The following CLIC4 variants were observed in gnomAD, a reference collection of about 807,000 sequenced individuals.
CLIC4 encodes the protein chloride intracellular channel protein 4.
In CLIC4, 13 loss-of-function variants were observed where a neutral mutation model predicts 24.6. The observed-to-expected ratio is 0.53, with a 90% CI of 0.34 to 0.84. The LOEUF (loss-of-function observed/expected upper bound fraction) is 0.84. Ranked by LOEUF, CLIC4 falls within the 40% of genes least tolerant of loss-of-function variation. The pLI is 0.01. For synonymous variants in CLIC4, 104 were observed against 111.3 expected (o/e 0.93, Z 0.41); for missense variants, 227 against 301.7 (o/e 0.75, Z 1.83).
At chr1:24,778,526 C>G (rs935622024) in intron 1 of CLIC4, among the ~76,000 whole-genome samples, 2 of 151,822 alleles carry the variant, frequency 1.3e-5, no homozygotes, top group African/African-American at 4.8e-5. Flanking sequence ...AGCTTTCGTC[C>G]TTTTTTTTCT....
intron 3 of CLIC4, among the ~76,000 whole-genome samples, chr1:24,818,983 A>G (rs1401827377): frequency 6.6e-6 from 1 of 151,844 alleles, no homozygotes; most frequent in Non-Finnish European, 1.5e-5. Context: ...TATTTGGGGG[A>G]GACTTGGAGT....
intron 4 of CLIC4, among the ~76,000 whole-genome samples, chr1:24,836,448 AGCTGG>A (rs1484844056): frequency 1.3e-5 from 2 of 151,434 alleles, no homozygotes; most frequent in Admixed American, 1.3e-4. Context: ...TTGATGGTAA[AGCTGG>A]GCCATAAAAC....
At position 24,797,862 on chromosome 1, in the gene CLIC4, G is replaced by A. The variant is rs569372584; in HGVS notation, c.182+11G>A. On this transcript the variant is annotated intron_variant, in intron 2 of 5. Transcript: ENST00000374379. Reference sequence around the variant, plus strand: ...TGTTGACCTGAAAAGGTAAGACATGGTCGCAGTTTGCAATCAACTTAAGCT... The same window carrying A: ...TGTTGACCTGAAAAGGTAAGACATGATCGCAGTTTGCAATCAACTTAAGCT... 7.6e-6 allele frequency: 12 copies of A among 1,577,388 alleles called. No individual in the cohort carries two copies. In the East Asian group the frequency reaches 1.3e-4, roughly 18 times the overall value.
intron 1 of CLIC4, among the ~76,000 whole-genome samples, chr1:24,790,356 G>C (rs1482918555): frequency 2.0e-5 from 3 of 152,220 alleles, no homozygotes; most frequent in African/African-American, 7.2e-5. Context: ...ACAGGTGTGA[G>C]CCACCATGCC....
intron 1 of CLIC4, among the ~76,000 whole-genome samples, chr1:24,752,734 T>TA (rs1341296881): frequency 6.6e-6 from 1 of 152,110 alleles, no homozygotes; most frequent in Non-Finnish European, 1.5e-5. Flanking sequence ...TTATTATTAT[T>TA]TTTTTTTGAG....
intron 1 of CLIC4, among the ~76,000 whole-genome samples, chr1:24,748,296 C>T (rs1351232004): frequency 6.6e-6 from 1 of 152,034 alleles, no homozygotes; most frequent in Non-Finnish European, 1.5e-5. Context: ...CTTCCTACCA[C>T]TAGTTGTAAG....
chr1:24,819,028 G>A (rs907916842), intron 3 of CLIC4, among the ~76,000 whole-genome samples: 18 of 152,076 alleles, frequency 1.2e-4, no homozygotes, highest in African/African-American at 4.3e-4. Flanking sequence ...GGGATGGTAG[G>A]CAGGAAGGCT....
At chr1:24,782,920 C>T (rs1639222000) in intron 1 of CLIC4, among the ~76,000 whole-genome samples, 1 of 152,098 alleles carries the variant, frequency 6.6e-6, no homozygotes, top group South Asian at 2.1e-4. Context: ...TTCAAGGCTG[C>T]AGTGAGCTAT....
chr1:24,749,752 G>C (rs1464438446), intron 1 of CLIC4, among the ~76,000 whole-genome samples: 2 of 151,964 alleles, frequency 1.3e-5, no homozygotes, highest in Admixed American at 1.3e-4. Flanking sequence ...GAGCGCAGGA[G>C]TTCTAGACCA....
chr1:24,807,141 G>A (rs1639558810), intron 2 of CLIC4, among the ~76,000 whole-genome samples: 2 of 151,774 alleles, frequency 1.3e-5, no homozygotes, highest in Admixed American at 1.3e-4. Flanking sequence ...TAAAAAAAAA[G>A]AAAATTGAAT....
chr1:24,804,824 G>T (rs1284986280), intron 2 of CLIC4, among the ~76,000 whole-genome samples: 1 of 152,040 alleles, frequency 6.6e-6, no homozygotes, highest in Non-Finnish European at 1.5e-5. Context: ...ATTTGGGCCA[G>T]GCAAAGTGGC....
At chr1:24,787,373 ATCT>A (rs970300737) in intron 1 of CLIC4, among the ~76,000 whole-genome samples, 2 of 151,906 alleles carry the variant, frequency 1.3e-5, no homozygotes, top group African/African-American at 4.8e-5. Flanking sequence ...CCAAATTAAA[ATCT>A]TCTTCAGCAT....
intron 2 of CLIC4, among the ~76,000 whole-genome samples, chr1:24,803,306 T>A (rs1392076815): frequency 6.6e-6 from 1 of 152,164 alleles, no homozygotes; most frequent in Non-Finnish European, 1.5e-5. Context: ...AAGTACTGAC[T>A]CCAGAACAAA....
In CLIC4 at chr1:24,839,855, C is replaced by T; in HGVS notation, c.416-5C>T. On this transcript the variant is annotated splice_polypyrimidine_tract_variant and splice_region_variant and intron_variant, in intron 4 of 5. Coordinates refer to ENST00000374379, the MANE Select transcript of CLIC4 (RefSeq NM_013943.3). ...GTATTCTCATCTCTTTTTTTCCCCC[C>T]CAAGCACTGGAGAGGGGTCTCCTGA... 2 of 1,603,438 alleles carry T rather than the reference C, an allele frequency of 1.2e-6. No homozygotes were observed. The highest frequency in any genetic ancestry group is 1.7e-6 in the Non-Finnish European group (2 of 1,176,640).
At chr1:24,813,976 T>C in intron 2 of CLIC4, 118 bp from the exon 3 acceptor site, 1 of 1,176,820 alleles carries the variant, frequency 8.5e-7, no homozygotes, top group Non-Finnish European at 1.3e-6. Flanking sequence ...CTCAGCCTCC[T>C]GTAGTGCTAC....
intron 1 of CLIC4, among the ~76,000 whole-genome samples, chr1:24,756,291 G>A (rs1391476691): frequency 2.0e-5 from 3 of 152,208 alleles, no homozygotes; most frequent in South Asian, 2.1e-4. Flanking sequence ...GAGCCACCGC[G>A]CCCTGCTAAC....
At chr1:24,755,677 T>C (rs1331811191) in intron 1 of CLIC4, among the ~76,000 whole-genome samples, 1 of 151,430 alleles carries the variant, frequency 6.6e-6, no homozygotes, top group African/African-American at 2.4e-5. Flanking sequence ...TTCCTTTATT[T>C]AAAATAAAAC....
intron 1 of CLIC4, among the ~76,000 whole-genome samples, chr1:24,750,097 T>G (rs1638754956): frequency 6.6e-6 from 1 of 151,628 alleles, no homozygotes; most frequent in Non-Finnish European, 1.5e-5. Context: ...AGTAAGTAAC[T>G]AAGCTGGGCC....
intron 1 of CLIC4, among the ~76,000 whole-genome samples, chr1:24,753,731 C>T (rs78306332): frequency 6.6e-6 from 1 of 152,108 alleles, no homozygotes; most frequent in Non-Finnish European, 1.5e-5. Flanking sequence ...TTCATTCTCC[C>T]CACACTTTCC....
Sources: gnomAD v4.1 joint callset for allele counts (sites outside exome capture counted in the v4.1 genomes callset) on GRCh38, gnomAD v4.1.1 for gene constraint, MANE v1.5 for transcripts, NCBI Gene and HGNC (gene_info 2026-07-23, HGNC 2026-07-21) for gene names.